DLG2: variants seen among roughly 807,000 people sequenced by gnomAD.
DLG2 encodes disks large homolog 2.
Under a neutral mutation model 132.5 loss-of-function variants are expected in DLG2, and 45 were observed. The observed-to-expected ratio is 0.34, with a 90% confidence interval of 0.27 to 0.44. The LOEUF is 0.44. DLG2 is among the 20% of genes least tolerant of loss of function. The pLI is 1.00. For synonymous variants in DLG2, 424 were observed against 419.6 expected (o/e 1.01, Z -0.13); for missense variants, 1,045 against 1,196.9 (o/e 0.87, Z 1.87).
chr11:84,583,839 G>C (rs1215336077), intron 6 of DLG2, among the ~76,000 whole-genome samples: 1 of 151,818 alleles, frequency 6.6e-6, no homozygotes, highest in Non-Finnish European at 1.5e-5. Context: ...TCCTTGACTT[G>C]CTCAACATCA....
chr11:84,957,009 T>C (rs1214639229), intron 6 of DLG2, among the ~76,000 whole-genome samples: 5 of 152,208 alleles, frequency 3.3e-5, no homozygotes, highest in African/African-American at 9.6e-5. Flanking sequence ...TTCAAATGCA[T>C]TGTAATTCAA....
At chr11:84,388,314 C>T (rs1219777712) in intron 7 of DLG2, among the ~76,000 whole-genome samples, 3 of 151,840 alleles carry the variant, frequency 2.0e-5, no homozygotes, top group Non-Finnish European at 2.9e-5. Context: ...CTCAAAGAAT[C>T]TATCAAAAAA....
intron 6 of DLG2, among the ~76,000 whole-genome samples, chr11:84,547,905 A>T (rs772534389): frequency 6.6e-6 from 1 of 152,184 alleles, no homozygotes; most frequent in Non-Finnish European, 1.5e-5. Flanking sequence ...CATGACTAGC[A>T]CATCCTAGAA....
intron 6 of DLG2, among the ~76,000 whole-genome samples, chr11:84,703,889 TG>T (rs2153745972): frequency 1.5e-5 from 1 of 66,116 alleles, no homozygotes; most frequent in African/African-American, 1.3e-4. Flanking sequence ...TATATACACG[TG>T]TGTGTGTGTG....
intron 16 of DLG2, among the ~76,000 whole-genome samples, chr11:83,835,746 T>C (rs1171407122): frequency 1.3e-5 from 2 of 152,232 alleles, no homozygotes; most frequent in Non-Finnish European, 2.9e-5. Context: ...TGCCTACCTA[T>C]GCTGAAGTCA....
At position 84,985,778 on chromosome 11, in the gene DLG2, A is replaced by C. The variant is rs143410616; in HGVS notation, c.357+125883T>G. Among the ~76,000 whole-genome samples, 620 of 152,176 alleles carry C rather than the reference A, an allele frequency of 4.1e-3. 7 individuals carry two copies. Among genetic ancestry groups the C allele is most frequent in the African/African-American group, 0.013 (531 of 41,516 alleles). ...GAGGCCAAGTTGGGCGGATCACTTG[A>C]GGTCAGGATTTCAAGACCAGCCTGG... On this transcript the variant is annotated intron_variant, in intron 6 of 27. Coordinates refer to ENST00000376104, the MANE Select transcript of DLG2 (RefSeq NM_001142699.3).
At chr11:84,069,206 C>T (rs2096721264) in intron 10 of DLG2, among the ~76,000 whole-genome samples, 2 of 152,180 alleles carry the variant, frequency 1.3e-5, no homozygotes, top group South Asian at 2.1e-4. Context: ...TGAGACCATA[C>T]TCCAAAAACC....
At chr11:84,736,981 T>C (rs2063917968) in intron 6 of DLG2, among the ~76,000 whole-genome samples, 1 of 152,014 alleles carries the variant, frequency 6.6e-6, no homozygotes, top group African/African-American at 2.4e-5. Context: ...TGATTAAATA[T>C]GATGTTAGCT....
At chr11:84,739,219 T>C (rs1177136590) in intron 6 of DLG2, among the ~76,000 whole-genome samples, 5 of 152,196 alleles carry the variant, frequency 3.3e-5, no homozygotes. Flanking sequence ...CTCAATAATA[T>C]AGATTAAATA....
intron 3 of DLG2, among the ~76,000 whole-genome samples, chr11:85,470,620 G>A (rs1048117361): frequency 6.6e-6 from 1 of 152,098 alleles, no homozygotes; most frequent in Non-Finnish European, 1.5e-5. Context: ...GGGGGCTGAG[G>A]CTGAGGCTGA....
chr11:85,322,801 C>A (rs2081170323), intron 3 of DLG2, among the ~76,000 whole-genome samples: 1 of 152,116 alleles, frequency 6.6e-6, no homozygotes, highest in Admixed American at 6.6e-5. Flanking sequence ...GTCTATAGAT[C>A]CTATATAATA....
chr11:83,936,474 A>G (rs916730781), intron 14 of DLG2, among the ~76,000 whole-genome samples: 3 of 152,218 alleles, frequency 2.0e-5, no homozygotes, highest in East Asian at 1.9e-4. Flanking sequence ...TTGTTGGGTC[A>G]TAAGTAATTT....
At chr11:84,448,924 G>A (rs968654086) in intron 7 of DLG2, among the ~76,000 whole-genome samples, 3 of 151,934 alleles carry the variant, frequency 2.0e-5, no homozygotes, top group African/African-American at 2.4e-5. Flanking sequence ...AATGAATGAA[G>A]CATATCACTT....
chr11:83,466,871 C>A, intron 25 of DLG2, 54 bp from the exon 26 acceptor site: 3 of 1,239,450 alleles, frequency 2.4e-6, no homozygotes, highest in South Asian at 1.2e-5. Flanking sequence ...TGGCCATAAT[C>A]CAACAAAAGG....
At chr11:83,588,488 C>A (rs2097131876) in intron 19 of DLG2, among the ~76,000 whole-genome samples, 2 of 151,596 alleles carry the variant, frequency 1.3e-5, no homozygotes, top group Admixed American at 6.6e-5. Context: ...ATCTGTACAT[C>A]ACCATCACCA....
At chr11:85,203,357 A>G (rs1481138300) in intron 4 of DLG2, among the ~76,000 whole-genome samples, 1 of 151,944 alleles carries the variant, frequency 6.6e-6, no homozygotes, top group African/African-American at 2.4e-5. Context: ...AAAATTAGAG[A>G]TGAAAAAGGA....
intron 7 of DLG2, among the ~76,000 whole-genome samples, chr11:84,533,073 A>G (rs1429009713): frequency 6.6e-6 from 1 of 152,224 alleles, no homozygotes; most frequent in Non-Finnish European, 1.5e-5. Context: ...TCTTTTCTAC[A>G]AAACCTCTGA....
chr11:84,897,055 C>T (rs2090293022), intron 6 of DLG2, among the ~76,000 whole-genome samples: 1 of 151,830 alleles, frequency 6.6e-6, no homozygotes, highest in Non-Finnish European at 1.5e-5. Context: ...TCTGAAGCAT[C>T]TTGTGTACCA....
At chr11:85,014,600 C>A (rs2059414871) in intron 6 of DLG2, among the ~76,000 whole-genome samples, 1 of 152,104 alleles carries the variant, frequency 6.6e-6, no homozygotes. Flanking sequence ...CTATTTCTAC[C>A]CAGCAAGTAA....
Sources: allele counts gnomAD v4.1 joint callset (sites outside exome capture counted in the v4.1 genomes callset), GRCh38; gene constraint gnomAD v4.1.1; transcripts MANE v1.5; gene names NCBI Gene and HGNC (gene_info 2026-07-23, HGNC 2026-07-21).